The following CARD8 variants were observed in gnomAD, a reference collection of about 807,000 sequenced individuals.
The protein encoded by CARD8 is caspase recruitment domain-containing protein 8.
Under a neutral mutation model 53.2 loss-of-function variants are expected in CARD8, and 38 were observed. The ratio of observed to expected loss-of-function variants is 0.71; its 90% CI spans 0.55 to 0.94. The LOEUF is 0.94. Among genes scored for constraint, CARD8 ranks in the 40% least tolerant of loss-of-function variants. The pLI is 0.00. For synonymous variants in CARD8, 245 were observed against 244.9 expected (o/e 1.00, Z 0.00); for missense variants, 561 against 655.5 (o/e 0.86, Z 1.57).
intron 1 of CARD8, among the ~76,000 whole-genome samples, chr19:48,251,602 G>A (rs2046949628): frequency 6.6e-6 from 1 of 152,036 alleles, no homozygotes; most frequent in South Asian, 2.1e-4. Context: ...TATACATTTG[G>A]GGCTTGGATT....
Position 48,248,556 on chromosome 19 carries a change from A to G in CARD8, c.-44+967T>C, listed in dbSNP as rs182135102. On this transcript the variant is annotated intron_variant, in intron 3 of 13. Transcript: ENST00000651546. ...CTATCAGTTATCATTCTCACCCACA[A>G]TACTGATGGAAATAAGAAAAGCTGA... 3.9e-3 allele frequency among the ~76,000 whole-genome samples: 592 copies of G among 152,350 alleles called. 1 individual carries two copies. The highest frequency in any genetic ancestry group is 0.013 in the African/African-American group (550 of 41,574).
intron 3 of CARD8, among the ~76,000 whole-genome samples, chr19:48,243,204 G>A (rs1429091218): frequency 6.6e-6 from 1 of 152,030 alleles, no homozygotes; most frequent in Non-Finnish European, 1.5e-5. Flanking sequence ...TAGTAGAGAC[G>A]GGGTTTCACC....
chr19:48,204,760 T>C (rs997676297), downstream of CARD8, among the ~76,000 whole-genome samples: 1 of 151,976 alleles, frequency 6.6e-6, no homozygotes, highest in Admixed American at 6.6e-5. Flanking sequence ...AAGCTGGAAG[T>C]TTTATAAGGG....
chr19:48,254,480 C>T (rs1438738253), intron 1 of CARD8, among the ~76,000 whole-genome samples: 4 of 152,210 alleles, frequency 2.6e-5, no homozygotes, highest in East Asian at 1.9e-4. Flanking sequence ...AGGCCTGGTG[C>T]GGTGGCTCAT....
chr19:48,231,887 T>C (rs768870517), intron 7 of CARD8, 77 bp from the exon 8 acceptor site: 19 of 1,283,168 alleles, frequency 1.5e-5, no homozygotes, highest in African/African-American at 1.3e-4. Flanking sequence ...GGAGGCTGAA[T>C]TGCACAGGTG....
At chr19:48,218,403 G>A (rs574358432) in intron 12 of CARD8, among the ~76,000 whole-genome samples, 3 of 145,392 alleles carry the variant, frequency 2.1e-5, no homozygotes, top group South Asian at 4.3e-4. Flanking sequence ...TATTGCCCAG[G>A]CTGGACTGCT....
intron 6 of CARD8, chr19:48,233,111 C>T (rs540561608): frequency 4.5e-5 from 16 of 354,176 alleles, no homozygotes; most frequent in Non-Finnish European, 8.8e-5. Context: ...TCACAGCCCA[C>T]ATCAATTGAA....
rs549990776 is a variant in CARD8, at chr19:48,230,874, A to G, written c.675T>C (p.His225=). The part of the protein sequence containing the change: ...SQHLALDLQH[H]EQWLVGGPLF... ...AGGGGCCGCCCACCAGCCACTGTTCATGGTGCTGCAGGTCCAGGGCCAGGT... is the reference window on the plus strand; with the variant it reads ...AGGGGCCGCCCACCAGCCACTGTTCGTGGTGCTGCAGGTCCAGGGCCAGGT... The change falls in exon 9 of 14, where the codon CAT becomes CAC. Residue 225 remains histidine, a synonymous_variant. Coordinates refer to ENST00000651546, the MANE Select transcript of CARD8 (RefSeq NM_001184900.3). 1.9e-6 allele frequency: 3 copies of G among 1,614,186 alleles called. No homozygotes were observed. The highest frequency in any genetic ancestry group is 1.7e-5 in the Admixed American group (1 of 60,022).
downstream of CARD8, among the ~76,000 whole-genome samples, chr19:48,206,076 T>G (rs996000634): frequency 1.3e-5 from 2 of 151,896 alleles, no homozygotes; most frequent in Admixed American, 1.3e-4. Context: ...TTTTGTATTT[T>G]CAGTAGAGAC....
chr19:48,236,435 A>G (rs1174268699), intron 5 of CARD8, among the ~76,000 whole-genome samples: 1 of 152,134 alleles, frequency 6.6e-6, no homozygotes, highest in African/African-American at 2.4e-5. Flanking sequence ...GCTGGTCTCC[A>G]ACTCCTGACC....
intron 10 of CARD8, among the ~76,000 whole-genome samples, chr19:48,223,002 C>T (rs1238288244): frequency 6.6e-6 from 1 of 152,024 alleles, no homozygotes; most frequent in Non-Finnish European, 1.5e-5. Flanking sequence ...AAATTATGTA[C>T]ATATTTCATT....
At chr19:48,240,032 C>T (rs1279692387) in intron 4 of CARD8, among the ~76,000 whole-genome samples, 1 of 152,168 alleles carries the variant, frequency 6.6e-6, no homozygotes, top group African/African-American at 2.4e-5. Context: ...TCAAAGGCCC[C>T]ATCTCCTAAC....
intron 3 of CARD8, among the ~76,000 whole-genome samples, chr19:48,246,522 G>C (rs140547307): frequency 6.6e-6 from 1 of 152,030 alleles, no homozygotes; most frequent in African/African-American, 2.4e-5. Context: ...GCCTACACAT[G>C]CCTGTATTTA....
chr19:48,238,578 C>T, intron 4 of CARD8, 46 bp from the exon 5 acceptor site: 1 of 1,518,416 alleles, frequency 6.6e-7, no homozygotes, highest in Non-Finnish European at 8.8e-7. Flanking sequence ...GTCAGAGGAG[C>T]TCGATGGTGG....
downstream of CARD8, among the ~76,000 whole-genome samples, chr19:48,206,962 T>G (rs1374852150): frequency 6.6e-6 from 1 of 151,998 alleles, no homozygotes; most frequent in Non-Finnish European, 1.5e-5. Flanking sequence ...ATTGCTCTCG[T>G]ACTTCCTCTG....
At chr19:48,221,334 T>C (rs1961171322) in intron 11 of CARD8, among the ~76,000 whole-genome samples, 1 of 152,226 alleles carries the variant, frequency 6.6e-6, no homozygotes, top group Non-Finnish European at 1.5e-5. Context: ...CAGAATTATA[T>C]AGTAATCTCC....
At chr19:48,239,378 C>T (rs1031651658) in intron 4 of CARD8, among the ~76,000 whole-genome samples, 5 of 151,698 alleles carry the variant, frequency 3.3e-5, no homozygotes, top group Non-Finnish European at 7.4e-5. Flanking sequence ...TTACTTAGCG[C>T]AAGAGTTGGA....
intron 12 of CARD8, among the ~76,000 whole-genome samples, chr19:48,217,112 G>A (rs1427506295): frequency 1.3e-5 from 2 of 152,004 alleles, no homozygotes; most frequent in East Asian, 1.9e-4. Context: ...CCACTGATCC[G>A]ACAGGAGGCA....
At chr19:48,204,080 G>A (rs1375106325), downstream of CARD8, 4 of 444,312 alleles carry the variant, frequency 9.0e-6, no homozygotes, top group Non-Finnish European at 1.8e-5. Flanking sequence ...TACCCGCTGA[G>A]CATTGTGGGG....
Sources: allele counts gnomAD v4.1 joint callset (sites outside exome capture counted in the v4.1 genomes callset), GRCh38; gene constraint gnomAD v4.1.1; transcripts MANE v1.5; gene names NCBI Gene and HGNC (gene_info 2026-07-23, HGNC 2026-07-21).